The following GOLIM4 variants were observed in gnomAD, a reference collection of about 807,000 sequenced individuals.
The protein encoded by GOLIM4 is 130 kDa golgi-localized phosphoprotein.
A neutral mutation model predicts 107.4 loss-of-function variants in GOLIM4; 71 were observed. That is an observed-to-expected ratio of 0.66 (90% CI 0.55 to 0.81). The LOEUF (loss-of-function observed/expected upper bound fraction) is 0.81, where lower values mean the gene tolerates loss of function less well. GOLIM4 is among the 30% of genes least tolerant of loss of function. The pLI, the probability that GOLIM4 is intolerant of heterozygous loss-of-function variation, is 0.00. For synonymous variants in GOLIM4, 327 were observed against 294.8 expected (o/e 1.11, Z -1.12); for missense variants, 830 against 826.1 (o/e 1.00, Z -0.06).
intron 1 of GOLIM4, among the ~76,000 whole-genome samples, chr3:168,077,983 T>A (rs933754376): frequency 6.6e-6 from 1 of 152,048 alleles, no homozygotes; most frequent in Non-Finnish European, 1.5e-5. Flanking sequence ...ATTTATTTAT[T>A]TATTTATTTA....
chr3:168,046,491 G>A (rs1560087770), intron 3 of GOLIM4, among the ~76,000 whole-genome samples: 3 of 152,118 alleles, frequency 2.0e-5, no homozygotes, highest in African/African-American at 4.8e-5. Flanking sequence ...AGATTAGGGA[G>A]TGGTGATGAC....
chr3:168,054,982 A>T (rs888158655), intron 1 of GOLIM4, among the ~76,000 whole-genome samples: 8 of 152,146 alleles, frequency 5.3e-5, no homozygotes, highest in Non-Finnish European at 1.2e-4. Flanking sequence ...GTGAGACGTA[A>T]CTTTCACCTT....
intron 1 of GOLIM4, among the ~76,000 whole-genome samples, chr3:168,080,069 T>G (rs1721267547): frequency 6.6e-6 from 1 of 152,166 alleles, no homozygotes; most frequent in Non-Finnish European, 1.5e-5. Context: ...GAGGAAAAAC[T>G]AATTCCTATG....
intron 1 of GOLIM4, among the ~76,000 whole-genome samples, chr3:168,055,518 G>A (rs1486937044): frequency 1.3e-5 from 2 of 152,058 alleles, no homozygotes; most frequent in Non-Finnish European, 2.9e-5. Flanking sequence ...GTGACTCAGG[G>A]CCGGGCGCGG....
At chr3:168,044,928 T>C in intron 3 of GOLIM4, 47 bp from the exon 4 acceptor site, 1 of 1,060,870 alleles carries the variant, frequency 9.4e-7, no homozygotes, top group Non-Finnish European at 1.4e-6. Context: ...AATATGGCTC[T>C]CTTGTTAAAT....
In GOLIM4 at chr3:168,024,605, CA is replaced by C. The variant is rs773617894; in HGVS notation, c.1792-12del. 6.2e-7 allele frequency: 1 copy of C among 1,608,392 alleles called. No individual in the cohort carries two copies. Among genetic ancestry groups the C allele is most frequent in the Admixed American group, 1.7e-5 (1 of 59,968 alleles). ...TGGATTTCCTGCCATCTGTTGGAAACAAAAGGGCAGGTTCATGTTACTGTAC... is the reference window on the plus strand; with the variant it reads ...TGGATTTCCTGCCATCTGTTGGAAACAAAGGGCAGGTTCATGTTACTGTAC... On this transcript the variant is annotated splice_polypyrimidine_tract_variant and intron_variant, in intron 13 of 15. Coordinates refer to ENST00000470487, the MANE Select transcript of GOLIM4 (RefSeq NM_014498.5).
At chr3:168,024,415 T>A (rs1717881259) in intron 14 of GOLIM4, 111 bp downstream of exon 14, 1 of 851,172 alleles carries the variant, frequency 1.2e-6, no homozygotes, top group Admixed American at 1.8e-5. Flanking sequence ...CTTAAATTTT[T>A]CTGAACATTT....
Position 168,047,011 on chromosome 3 carries a change from A to T in GOLIM4, c.263-12T>A. On this transcript the variant is annotated splice_polypyrimidine_tract_variant and intron_variant, in intron 2 of 15. Transcript: ENST00000470487. ...ATAAACAAGAAAATCTAGAAAATAC[A>T]AGATGGAAAAAAACAGTGATAATTC... 1 of 1,192,338 alleles carries T rather than the reference A, an allele frequency of 8.4e-7. No individual in the cohort carries two copies. The highest frequency in any genetic ancestry group is 1.2e-6 in the Non-Finnish European group (1 of 840,472). 73.9% of individuals were successfully genotyped at this position (1,192,338 alleles called of 1,614,324 possible).
intron 8 of GOLIM4, 99 bp from the exon 9 acceptor site, chr3:168,032,951 G>T: frequency 1.1e-6 from 1 of 872,180 alleles, no homozygotes; most frequent in Non-Finnish European, 1.8e-6. Context: ...GGCTACAACA[G>T]AAGAAGGTGT....
chr3:168,010,435 A>G lies in GOLIM4; in HGVS notation c.1942-17T>C. 6.5e-7 allele frequency: 1 copy of G among 1,538,648 alleles called. No individual in the cohort carries two copies. Among genetic ancestry groups the G allele is most frequent in the Non-Finnish European group, 8.9e-7 (1 of 1,118,720 alleles). ...ATCATCAGTCTTAAAATTAAAAGAA[A>G]AAAGAAAAACTAAGAGATAGTATAG... On this transcript the variant is annotated splice_polypyrimidine_tract_variant and intron_variant, in intron 15 of 15. Transcript: ENST00000470487.
At chr3:168,069,720 A>T (rs1267883591) in intron 1 of GOLIM4, among the ~76,000 whole-genome samples, 1 of 152,256 alleles carries the variant, frequency 6.6e-6, no homozygotes, top group Non-Finnish European at 1.5e-5. Context: ...CTATGGAAAC[A>T]GCAGCCTTTC....
At chr3:168,079,256 C>T (rs1434274279) in intron 1 of GOLIM4, among the ~76,000 whole-genome samples, 1 of 152,130 alleles carries the variant, frequency 6.6e-6, no homozygotes, top group Non-Finnish European at 1.5e-5. Context: ...TAGAAATGAG[C>T]AATCTACAAC....
intron 8 of GOLIM4, among the ~76,000 whole-genome samples, chr3:168,034,304 T>C (rs1388491256): frequency 6.6e-6 from 1 of 152,206 alleles, no homozygotes; most frequent in Non-Finnish European, 1.5e-5. Context: ...ATAACTCCTA[T>C]CTCCACCTCA....
At chr3:168,043,304 CA>C in intron 5 of GOLIM4, 74 bp downstream of exon 5, 1 of 1,002,602 alleles carries the variant, frequency 1.0e-6, no homozygotes, top group Admixed American at 2.6e-5. Flanking sequence ...CTCAAAACAA[CA>C]GTCTACAGTT....
chr3:168,067,136 T>A (rs1720590699), intron 1 of GOLIM4, among the ~76,000 whole-genome samples: 1 of 152,122 alleles, frequency 6.6e-6, no homozygotes, highest in African/African-American at 2.4e-5. Context: ...ACACACTGGG[T>A]AAATTTTTTG....
chr3:168,051,655 T>A (rs558545239), intron 1 of GOLIM4, among the ~76,000 whole-genome samples: 1 of 152,308 alleles, frequency 6.6e-6, no homozygotes, highest in African/African-American at 2.4e-5. Context: ...TATATATATG[T>A]AGAAACTATG....
intron 1 of GOLIM4, among the ~76,000 whole-genome samples, chr3:168,074,492 C>T (rs1342197039): frequency 6.6e-6 from 1 of 152,076 alleles, no homozygotes; most frequent in Non-Finnish European, 1.5e-5. Flanking sequence ...ATGAGAAAGG[C>T]GTGAGCTTGA....
chr3:168,065,430 A>C (rs1427061728), intron 1 of GOLIM4, among the ~76,000 whole-genome samples: 1 of 152,236 alleles, frequency 6.6e-6, no homozygotes, highest in African/African-American at 2.4e-5. Flanking sequence ...AACTTGAAAA[A>C]TATTATACAT....
At chr3:168,035,860 A>C (rs1224078906) in intron 8 of GOLIM4, among the ~76,000 whole-genome samples, 1 of 152,218 alleles carries the variant, frequency 6.6e-6, no homozygotes, top group Non-Finnish European at 1.5e-5. Context: ...GAAAAAAAAA[A>C]AACAACCTTT....
Sources: allele counts gnomAD v4.1 joint callset (sites outside exome capture counted in the v4.1 genomes callset), GRCh38; gene constraint gnomAD v4.1.1; transcripts MANE v1.5; gene names NCBI Gene and HGNC (gene_info 2026-07-23, HGNC 2026-07-21).